ATP8A1: variants seen among roughly 807,000 people sequenced by gnomAD.
ATP8A1 encodes the protein ATPase phospholipid transporting 8A1, also known as phospholipid-transporting ATPase IA.
In ATP8A1, 90 loss-of-function variants were observed where a neutral mutation model predicts 177.7. The ratio of observed to expected loss-of-function variants is 0.51; its 90% CI spans 0.43 to 0.60. The LOEUF is 0.60. Among genes scored for constraint, ATP8A1 ranks in the 20% least tolerant of loss-of-function variants. ATP8A1 has a pLI of 0.00. For synonymous variants in ATP8A1, 493 were observed against 485.9 expected (o/e 1.01, Z -0.19); for missense variants, 1,072 against 1,392.8 (o/e 0.77, Z 3.67).
chr4:42,552,871 C>T (rs993048191), intron 16 of ATP8A1, among the ~76,000 whole-genome samples: 2 of 152,100 alleles, frequency 1.3e-5, no homozygotes, highest in African/African-American at 4.8e-5. Flanking sequence ...GCCAGCTATT[C>T]GGGAAGCTGA....
intron 12 of ATP8A1, among the ~76,000 whole-genome samples, chr4:42,577,494 A>G (rs1173999472): frequency 6.6e-6 from 1 of 152,176 alleles, no homozygotes; most frequent in Non-Finnish European, 1.5e-5. Context: ...AAGACTTTAC[A>G]ATGATTGAAA....
At chr4:42,641,010 G>GAAAAAAAAAAAAAAAAAAAAAAAAAAAAA (rs10609874) in intron 1 of ATP8A1, among the ~76,000 whole-genome samples, 1 of 123,424 alleles carries the variant, frequency 8.1e-6, no homozygotes. Context: ...CCCCTCACCA[G>GAAAAAAAAAAAAAAAAAAAAAAAAAAAAA]AAAAAAAAAA....
chr4:42,644,155 T>C (rs747986750), intron 1 of ATP8A1, among the ~76,000 whole-genome samples: 11 of 152,220 alleles, frequency 7.2e-5, no homozygotes, highest in Non-Finnish European at 1.5e-4. Flanking sequence ...AAGTTCAGAC[T>C]GAAGGCCTTC....
intron 4 of ATP8A1, among the ~76,000 whole-genome samples, chr4:42,616,467 T>C (rs1194208372): frequency 6.6e-6 from 1 of 152,232 alleles, no homozygotes; most frequent in Non-Finnish European, 1.5e-5. Context: ...GAGAATTATC[T>C]ATAATAACTA....
chr4:42,553,332 T>C (rs1729699667), intron 16 of ATP8A1, among the ~76,000 whole-genome samples: 2 of 152,202 alleles, frequency 1.3e-5, no homozygotes, highest in South Asian at 4.1e-4. Context: ...GGTTATACTT[T>C]GCGTTGGGGT....
At chr4:42,526,182 C>A (rs1384457173) in intron 20 of ATP8A1, among the ~76,000 whole-genome samples, 1 of 151,794 alleles carries the variant, frequency 6.6e-6, no homozygotes, top group Non-Finnish European at 1.5e-5. Flanking sequence ...GCGGAAGACA[C>A]TGACGTTTAG....
At chr4:42,628,809 T>TAG (rs917909332) in intron 1 of ATP8A1, among the ~76,000 whole-genome samples, 12 of 152,158 alleles carry the variant, frequency 7.9e-5, no homozygotes, top group Non-Finnish European at 1.3e-4. Context: ...GCCTCTGGAT[T>TAG]AGAGAGAGAG....
chr4:42,557,771 C>T (rs570306775), intron 15 of ATP8A1, among the ~76,000 whole-genome samples: 34 of 152,244 alleles, frequency 2.2e-4, no homozygotes, highest in African/African-American at 7.7e-4. Flanking sequence ...GGCTGGGCAC[C>T]ATGGCTTATG....
chr4:42,650,719 A>C (rs999374389), intron 1 of ATP8A1, among the ~76,000 whole-genome samples: 2 of 152,262 alleles, frequency 1.3e-5, no homozygotes, highest in African/African-American at 4.8e-5. Flanking sequence ...TTAGCATTAT[A>C]GTATTCAACA....
intron 22 of ATP8A1, among the ~76,000 whole-genome samples, chr4:42,519,159 C>G (rs980482607): frequency 2.0e-5 from 3 of 152,176 alleles, no homozygotes; most frequent in African/African-American, 7.2e-5. Context: ...ACTTTCACAG[C>G]TCACAGCAGC....
chr4:42,549,063 C>A lies in ATP8A1; in HGVS notation c.1603-1G>T, dbSNP rs748047025. Reference sequence around the variant, plus strand: ...ATTCATATCTTTCTTCCTGCCCCAGCTAAGAAGAAAAGGAATATATAATTA... The same window carrying A: ...ATTCATATCTTTCTTCCTGCCCCAGATAAGAAGAAAAGGAATATATAATTA... On this transcript the variant is annotated splice_acceptor_variant, in intron 18 of 36. Coordinates refer to ENST00000381668, the MANE Select transcript of ATP8A1 (RefSeq NM_006095.2). LOFTEE classifies it high-confidence loss of function. 6.2e-7 allele frequency: 1 copy of A among 1,608,988 alleles called. No homozygotes were observed. Among genetic ancestry groups the A allele is most frequent in the Non-Finnish European group, 8.5e-7 (1 of 1,176,284 alleles).
chr4:42,460,142 A>G (rs1435808272), intron 27 of ATP8A1, among the ~76,000 whole-genome samples: 1 of 152,112 alleles, frequency 6.6e-6, no homozygotes, highest in Admixed American at 6.6e-5. Flanking sequence ...TGACCATTAC[A>G]CCAAACTGCC....
intron 22 of ATP8A1, among the ~76,000 whole-genome samples, chr4:42,514,461 G>A (rs1053884514): frequency 1.3e-5 from 2 of 152,106 alleles, no homozygotes; most frequent in Non-Finnish European, 2.9e-5. Context: ...AGATTCTAAC[G>A]GCCAGTTGAG....
At chr4:42,625,486 C>G (rs2109487336) in intron 3 of ATP8A1, 128 bp downstream of exon 3, 2 of 536,850 alleles carry the variant, frequency 3.7e-6, no homozygotes, top group Non-Finnish European at 6.6e-6. Flanking sequence ...CTGCTTGCAG[C>G]AGGAGCCAGA....
At chr4:42,468,202 T>C (rs1719997225) in intron 25 of ATP8A1, among the ~76,000 whole-genome samples, 1 of 152,150 alleles carries the variant, frequency 6.6e-6, no homozygotes, top group African/African-American at 2.4e-5. Context: ...AGAACTACCA[T>C]TTGATCCAGC....
At chr4:42,528,757 T>A (rs538137587) in intron 20 of ATP8A1, among the ~76,000 whole-genome samples, 1 of 152,274 alleles carries the variant, frequency 6.6e-6, no homozygotes, top group Non-Finnish European at 1.5e-5. Context: ...CCACAAGATA[T>A]CACACTGGTC....
At chr4:42,578,213 G>A in intron 12 of ATP8A1, 47 bp downstream of exon 12, 2 of 1,499,726 alleles carry the variant, frequency 1.3e-6, no homozygotes. Flanking sequence ...AATATCCTAA[G>A]GACAAAATTA....
intron 1 of ATP8A1, among the ~76,000 whole-genome samples, chr4:42,627,696 G>A (rs1293863007): frequency 6.6e-6 from 1 of 152,054 alleles, no homozygotes; most frequent in East Asian, 1.9e-4. Context: ...GAAACAACAG[G>A]ATACATTCAA....
chr4:42,424,679 A>G (rs1355686964), intron 33 of ATP8A1, among the ~76,000 whole-genome samples: 4 of 152,216 alleles, frequency 2.6e-5, no homozygotes, highest in African/African-American at 9.6e-5. Context: ...AAACATTTCT[A>G]ATTTTAAATT....
Sources: gnomAD v4.1 joint callset for allele counts (sites outside exome capture counted in the v4.1 genomes callset) on GRCh38, gnomAD v4.1.1 for gene constraint, MANE v1.5 for transcripts, NCBI Gene and HGNC (gene_info 2026-07-23, HGNC 2026-07-21) for gene names.